The following SV2C variants were observed in gnomAD, a reference collection of about 807,000 sequenced individuals.
SV2C encodes solute carrier family 22 member B3.
Under a neutral mutation model 79.7 loss-of-function variants are expected in SV2C, and 49 were observed. The ratio of observed to expected loss-of-function variants is 0.61; its 90% CI spans 0.49 to 0.78. The LOEUF is 0.78. Among genes scored for constraint, SV2C ranks in the 30% least tolerant of loss-of-function variants. The pLI, the probability that SV2C is intolerant of heterozygous loss-of-function variation, is 0.00. For synonymous variants in SV2C, 334 were observed against 333.2 expected (o/e 1.00, Z -0.03); for missense variants, 833 against 912.9 (o/e 0.91, Z 1.13).
At chr5:76,309,182 C>CTTATTG (rs1280641316) in intron 12 of SV2C, among the ~76,000 whole-genome samples, 1 of 152,124 alleles carries the variant, frequency 6.6e-6, no homozygotes, top group Non-Finnish European at 1.5e-5. Flanking sequence ...TTCACATTGC[C>CTTATTG]TTATTGTGTG....
intron 1 of SV2C, among the ~76,000 whole-genome samples, chr5:76,108,062 A>G (rs1015487224): frequency 2.0e-5 from 3 of 152,196 alleles, no homozygotes; most frequent in Non-Finnish European, 4.4e-5. Flanking sequence ...CAAATGTTGC[A>G]TATATTTGTT....
chr5:76,091,870 G>A (rs1322527015), intron 1 of SV2C: 1 of 151,994 alleles, frequency 6.6e-6, no homozygotes, highest in Non-Finnish European at 1.5e-5. Context: ...AATTTTATAT[G>A]TTTATTGCAT....
At chr5:75,910,412 GT>G in the SV2C span, 1 of 592,476 alleles carries the variant, frequency 1.7e-6, no homozygotes, top group Non-Finnish European at 3.2e-6. Context: ...TTCCTGCAGG[GT>G]TTCTGATACT....
chr5:76,321,045 C>G (rs1434214928), intron 12 of SV2C, among the ~76,000 whole-genome samples: 1 of 152,168 alleles, frequency 6.6e-6, no homozygotes, highest in Non-Finnish European at 1.5e-5. Flanking sequence ...ATTTGTGCAG[C>G]TCAGGGAGGA....
At chr5:76,049,139 C>A in the SV2C span, among the ~76,000 whole-genome samples, 15 of 151,426 alleles carry the variant, frequency 9.9e-5, no homozygotes, top group Non-Finnish European at 5.9e-5. Flanking sequence ...AGATGGAGAC[C>A]ATCCTGGCTA....
chr5:76,096,076 C>G (rs1747547672), intron 1 of SV2C, among the ~76,000 whole-genome samples: 1 of 152,114 alleles, frequency 6.6e-6, no homozygotes, highest in Non-Finnish European at 1.5e-5. Flanking sequence ...TTCTATCTTT[C>G]CACGTGATTG....
chr5:75,865,344 G>A, the SV2C span, among the ~76,000 whole-genome samples: 4 of 152,128 alleles, frequency 2.6e-5, no homozygotes, highest in Non-Finnish European at 4.4e-5. Flanking sequence ...TCCTTCTTGG[G>A]TGCATCAGTG....
At chr5:75,968,747 C>T in the SV2C span, among the ~76,000 whole-genome samples, 1 of 152,232 alleles carries the variant, frequency 6.6e-6, no homozygotes, top group African/African-American at 2.4e-5. Flanking sequence ...TTGGAAAACA[C>T]TCTGCAGGAT....
At chr5:76,342,147 G>A (rs1402030868) in intron 12 of SV2C, among the ~76,000 whole-genome samples, 1 of 151,928 alleles carries the variant, frequency 6.6e-6, no homozygotes, top group Non-Finnish European at 1.5e-5. Context: ...GGAAGGGGAA[G>A]TGGTCATGCA....
chr5:76,117,228 A>C (rs1348459487), intron 1 of SV2C, among the ~76,000 whole-genome samples: 1 of 152,212 alleles, frequency 6.6e-6, no homozygotes, highest in Non-Finnish European at 1.5e-5. Flanking sequence ...GTTTTGAGAA[A>C]ACTATATGCA....
chr5:76,070,298 T>C, the SV2C span, among the ~76,000 whole-genome samples: 3 of 152,216 alleles, frequency 2.0e-5, no homozygotes, highest in South Asian at 2.1e-4. Context: ...TTTATGTGCA[T>C]GTGTTTCCAG....
intron 2 of SV2C, among the ~76,000 whole-genome samples, chr5:76,182,335 C>T (rs1561253122): frequency 6.6e-6 from 1 of 152,122 alleles, no homozygotes; most frequent in Non-Finnish European, 1.5e-5. Context: ...AGCTGGAATC[C>T]TTAATGTGAA....
At chr5:75,902,900 G>C in the SV2C span, among the ~76,000 whole-genome samples, 1 of 152,198 alleles carries the variant, frequency 6.6e-6, no homozygotes, top group African/African-American at 2.4e-5. Flanking sequence ...AGCTGGGAAG[G>C]GGAACTGGTG....
intron 4 of SV2C, among the ~76,000 whole-genome samples, chr5:76,257,284 T>TGTGTGTAGTGTGTGTGTGGTATCTGTATG (rs1561286281): frequency 7.0e-6 from 1 of 142,510 alleles, no homozygotes; most frequent in African/African-American, 2.6e-5. Flanking sequence ...TGTGTGTGTG[T>TGTGTGTAGTGTGTGTGTGGTATCTGTATG]GTGTGTAGTG....
the SV2C span, among the ~76,000 whole-genome samples, chr5:76,069,865 C>CAT: frequency 6.6e-6 from 1 of 151,570 alleles, no homozygotes; most frequent in African/African-American, 2.4e-5. Context: ...CACAAACACA[C>CAT]ACACACACAC....
the SV2C span, among the ~76,000 whole-genome samples, chr5:76,023,858 T>C: frequency 6.6e-6 from 1 of 151,826 alleles, no homozygotes; most frequent in Admixed American, 6.6e-5. Flanking sequence ...ATTATTGATA[T>C]TTTGGGCCAG....
chr5:76,047,228 C>T, the SV2C span, among the ~76,000 whole-genome samples: 1 of 152,180 alleles, frequency 6.6e-6, no homozygotes, highest in African/African-American at 2.4e-5. Context: ...CCCAGCCCCC[C>T]AGAAGCCCTC....
At chr5:75,878,520 A>G in the SV2C span, among the ~76,000 whole-genome samples, 1 of 152,150 alleles carries the variant, frequency 6.6e-6, no homozygotes. Context: ...TTTCTTCTCC[A>G]TACTTTTATT....
chr5:75,889,478 A>C, the SV2C span, among the ~76,000 whole-genome samples: 1 of 151,948 alleles, frequency 6.6e-6, no homozygotes. Flanking sequence ...TATGTGACAC[A>C]TTTTCTTTAT....
Sources: allele counts gnomAD v4.1 joint callset (sites outside exome capture counted in the v4.1 genomes callset), GRCh38; gene constraint gnomAD v4.1.1; transcripts MANE v1.5; gene names NCBI Gene and HGNC (gene_info 2026-07-23, HGNC 2026-07-21).